The following TSHR variants were observed in gnomAD, a reference collection of about 807,000 sequenced individuals.
TSHR encodes thyrotropin receptor.
A neutral mutation model predicts 64.1 loss-of-function variants in TSHR; 51 were observed. That is an observed-to-expected ratio of 0.80 (90% confidence interval 0.64 to 1.01). The LOEUF (loss-of-function observed/expected upper bound fraction) is 1.01, where lower values mean the gene tolerates loss of function less well. TSHR is among the 50% of genes least tolerant of loss of function. The probability of loss-of-function intolerance (pLI) is 0.00; values close to 1 mark genes in which losing one functional copy is unlikely to be tolerated. For missense variants in TSHR, 877 were observed against 942.8 expected, an observed-to-expected ratio of 0.93 and a Z score of 0.91; for synonymous variants, 361 against 361.9, an observed-to-expected ratio of 1.00 and a Z score of 0.03.
chr14:80,982,287 A>T (rs1013954079), intron 1 of TSHR: 12 of 864,616 alleles, frequency 1.4e-5, no homozygotes, highest in Non-Finnish European at 2.1e-5. Flanking sequence ...CCAGCTCCAC[A>T]TGTAAAAATG....
At chr14:81,091,434 A>C (rs1008565622) in intron 5 of TSHR, among the ~76,000 whole-genome samples, 1 of 151,940 alleles carries the variant, frequency 6.6e-6, no homozygotes, top group African/African-American at 2.4e-5. Flanking sequence ...ACCATAATTA[A>C]CTCTTTTGAG....
At chr14:81,078,400 C>T (rs1887651415) in intron 3 of TSHR, among the ~76,000 whole-genome samples, 1 of 152,050 alleles carries the variant, frequency 6.6e-6, no homozygotes, top group Non-Finnish European at 1.5e-5. Flanking sequence ...TATTATTCTC[C>T]TGTAAGTAAT....
Position 81,105,390 on chromosome 14 carries a change from C to G in TSHR, c.615-2985C>G, listed in dbSNP as rs933370044. Among the ~76,000 whole-genome samples, 57 of 152,216 alleles carry G rather than the reference C, an allele frequency of 3.7e-4. 1 individual carries two copies. Among genetic ancestry groups the G allele is most frequent in the African/African-American group, 1.1e-3 (47 of 41,460 alleles). On this transcript the variant is annotated intron_variant, in intron 7 of 9. Coordinates refer to ENST00000298171, the MANE Select transcript of TSHR (RefSeq NM_000369.5). ...TGCAAGGTTGAAAAGCTAAATGAGG[C>G]AGCCCTCAAATCTGCTGAAGGCAGA...
At chr14:81,006,219 A>G (rs35554250) in intron 1 of TSHR, among the ~76,000 whole-genome samples, 13,139 of 152,222 alleles carry the variant, frequency 0.086, 818 homozygotes, top group South Asian at 0.2. Flanking sequence ...TTCGCTTGCT[A>G]GTGCTGCTGT....
At chr14:80,982,255 C>A in intron 1 of TSHR, 1 of 695,552 alleles carries the variant, frequency 1.4e-6, no homozygotes, top group Non-Finnish European at 2.3e-6. Flanking sequence ...AGATTTCAGT[C>A]CCGAGGCTGG....
At chr14:81,039,928 A>C (rs961206305) in intron 1 of TSHR, among the ~76,000 whole-genome samples, 6 of 152,084 alleles carry the variant, frequency 3.9e-5, no homozygotes, top group African/African-American at 1.4e-4. Flanking sequence ...AATCCTTATC[A>C]AAATTCCAAT....
intron 1 of TSHR, among the ~76,000 whole-genome samples, chr14:80,967,009 C>A (rs1291017217): frequency 6.6e-6 from 1 of 152,078 alleles, no homozygotes; most frequent in East Asian, 1.9e-4. Flanking sequence ...TCTTCTAATA[C>A]TATCACATCA....
chr14:80,960,869 G>A lies in TSHR; in HGVS notation c.170+5019G>A, dbSNP rs149963750. On this transcript the variant is annotated intron_variant, in intron 1 of 9. Transcript: ENST00000298171. ...AATCATCTGTTTAGGACAATTCCAT[G>A]GGCAATATAGAAACCACAGCCACTG... Among the ~76,000 whole-genome samples, 39 of 152,342 alleles carry A rather than the reference G, an allele frequency of 2.6e-4. No individual in the cohort carries two copies. In the East Asian group the frequency reaches 6.9e-3, roughly 27 times the overall value.
At chr14:81,121,145 G>T (rs1301928658) in intron 8 of TSHR, among the ~76,000 whole-genome samples, 1 of 151,354 alleles carries the variant, frequency 6.6e-6, no homozygotes, top group Non-Finnish European at 1.5e-5. Flanking sequence ...TGAATTTTCA[G>T]AATAAAAAGA....
intron 1 of TSHR, among the ~76,000 whole-genome samples, chr14:80,987,163 G>A (rs1888500607): frequency 6.6e-6 from 1 of 152,132 alleles, no homozygotes; most frequent in Admixed American, 6.5e-5. Context: ...CTGGATCTAA[G>A]GATTGTATTC....
chr14:81,070,483 C>T (rs952119628), intron 3 of TSHR, among the ~76,000 whole-genome samples: 7 of 151,504 alleles, frequency 4.6e-5, no homozygotes, highest in East Asian at 1.9e-4. Flanking sequence ...AAAAATTTGC[C>T]GGGCATGGTG....
chr14:81,075,484 T>C (rs760586388), intron 3 of TSHR, among the ~76,000 whole-genome samples: 1 of 152,158 alleles, frequency 6.6e-6, no homozygotes, highest in Non-Finnish European at 1.5e-5. Context: ...CCTGTGACCA[T>C]GGCATCTTTT....
At chr14:80,976,876 GAC>G (rs1887906517) in intron 1 of TSHR, among the ~76,000 whole-genome samples, 1 of 152,240 alleles carries the variant, frequency 6.6e-6, no homozygotes. Context: ...ATGGTTCCCA[GAC>G]CAATATATTC....
At chr14:81,130,769 A>T (rs1425773576) in intron 8 of TSHR, among the ~76,000 whole-genome samples, 1 of 136,342 alleles carries the variant, frequency 7.3e-6, no homozygotes, top group Admixed American at 6.8e-5. Context: ...AGGCGGGTGG[A>T]TCATGAGGTC....
chr14:81,057,710 T>C (rs17111396), intron 1 of TSHR, among the ~76,000 whole-genome samples: 3 of 152,024 alleles, frequency 2.0e-5, no homozygotes, highest in Admixed American at 1.3e-4. Flanking sequence ...ATTGATATTA[T>C]ACAAACACGC....
intron 1 of TSHR, among the ~76,000 whole-genome samples, chr14:81,039,865 A>T (rs1274854968): frequency 3.3e-5 from 5 of 151,958 alleles, no homozygotes; most frequent in African/African-American, 9.7e-5. Flanking sequence ...TTGATTAGAA[A>T]AATTAATATT....
In TSHR at chr14:80,955,821, C is replaced by T. The variant is rs1566735446; in HGVS notation, c.141C>T (p.Ile47=). The change falls in exon 1 of 10, where the codon ATC becomes ATT. Residue 47 remains isoleucine, a synonymous_variant. Transcript: ENST00000298171. ...FRVTCKDIQR[I]PSLPPSTQTL... is the part of the protein sequence containing the mutation. ...TCACCTGCAAGGATATTCAACGCAT[C>T]CCCAGCTTACCGCCCAGTACGCAGA... 5.0e-6 allele frequency: 8 copies of T among 1,614,190 alleles called. No homozygotes were observed. The highest frequency in any genetic ancestry group is 6.8e-6 in the Non-Finnish European group (8 of 1,180,032).
chr14:81,028,919 G>T (rs527648759), intron 1 of TSHR, among the ~76,000 whole-genome samples: 1 of 151,904 alleles, frequency 6.6e-6, no homozygotes, highest in East Asian at 1.9e-4. Flanking sequence ...CTTTGGTAAG[G>T]TTGATTGAGG....
intron 7 of TSHR, chr14:81,102,918 A>G (rs538469499): frequency 4.1e-6 from 4 of 985,404 alleles, no homozygotes; most frequent in South Asian, 9.4e-5. Flanking sequence ...CAATCATAAT[A>G]GAAAACAAAT....
Sources: gnomAD v4.1 joint callset for allele counts (sites outside exome capture counted in the v4.1 genomes callset) on GRCh38, gnomAD v4.1.1 for gene constraint, MANE v1.5 for transcripts, NCBI Gene and HGNC (gene_info 2026-07-23, HGNC 2026-07-21) for gene names.